The following SLAIN1 variants were observed in gnomAD, a reference collection of about 807,000 sequenced individuals.
SLAIN1 encodes the protein SLAIN motif-containing protein 1.
In SLAIN1, 17 loss-of-function variants were observed where a neutral mutation model predicts 55.4. That is an observed-to-expected ratio of 0.31 (90% confidence interval 0.21 to 0.46). SLAIN1 has a LOEUF of 0.46. Among genes scored for constraint, SLAIN1 ranks in the 20% least tolerant of loss-of-function variants. SLAIN1 has a pLI of 1.00. For synonymous variants in SLAIN1, 348 were observed against 337.4 expected (o/e 1.03, Z -0.35); for missense variants, 682 against 785.1 (o/e 0.87, Z 1.57).
chr13:77,698,506 T>A lies in SLAIN1; in HGVS notation c.593T>A (p.Val198Glu), dbSNP rs1413956530. Reference sequence around the variant, plus strand: ...GTGGAATTGCTGGATCTGGAGAGCGTAGCCGCCTGGCGGGACGAGGACGAC... The same window carrying A: ...GTGGAATTGCTGGATCTGGAGAGCGAAGCCGCCTGGCGGGACGAGGACGAC... ...DEVELLDLESVAAWRDEDDYT... is the reference protein window; with the variant it reads ...DEVELLDLESEAAWRDEDDYT... The change falls in exon 1 of 7, where the codon GTA (valine) becomes GAA (glutamate). Residue 198 changes from valine (V) to glutamate (E), a missense_variant. Physicochemically the swap from Val to Glu is moderately radical, Grantham distance 121. Around this residue, in one of 3 missense-constraint regions of SLAIN1, gnomAD observed 401 missense variants for 417.3 expected, o/e 0.96. Coordinates refer to ENST00000418532, the MANE Select transcript of SLAIN1 (RefSeq NM_001242868.2). The surrounding 1 kb of genome is among the most constrained non-coding windows in gnomAD (Gnocchi z 4.1). 2.1e-6 allele frequency: 3 copies of A among 1,453,288 alleles called. No individual in the cohort carries two copies. The highest frequency in any genetic ancestry group is 2.7e-6 in the Non-Finnish European group (3 of 1,110,040). 90.0% of individuals were successfully genotyped at this position (1,453,288 alleles called of 1,614,324 possible).
At chr13:77,717,482 G>T (rs2091219475) in intron 1 of SLAIN1, among the ~76,000 whole-genome samples, 1 of 151,856 alleles carries the variant, frequency 6.6e-6, no homozygotes, top group Non-Finnish European at 1.5e-5. Flanking sequence ...TTTATTTTTT[G>T]ATTACTTTTC....
intron 2 of SLAIN1, among the ~76,000 whole-genome samples, chr13:77,721,720 G>A (rs1416793022): frequency 6.6e-6 from 1 of 151,436 alleles, no homozygotes; most frequent in Non-Finnish European, 1.5e-5. Context: ...GAATGAGGAT[G>A]CATTCCAATA....
At chr13:77,712,497 A>T (rs2154409507) in intron 1 of SLAIN1, among the ~76,000 whole-genome samples, 1 of 152,304 alleles carries the variant, frequency 6.6e-6, no homozygotes, top group Admixed American at 6.5e-5. Context: ...TAGAAATACA[A>T]CTCACAAGAA....
At chr13:77,751,562 G>T (rs1050988215) in intron 4 of SLAIN1, among the ~76,000 whole-genome samples, 3 of 152,152 alleles carry the variant, frequency 2.0e-5, no homozygotes, top group South Asian at 4.1e-4. Flanking sequence ...TTGTTCATTT[G>T]TTCCTTCTCC....
chr13:77,757,127 G>A (rs1024675825), intron 5 of SLAIN1, among the ~76,000 whole-genome samples: 1 of 152,128 alleles, frequency 6.6e-6, no homozygotes. Context: ...TGAACAGGAA[G>A]TACAAAGAAT....
chr13:77,730,697 C>T (rs1350748388), intron 2 of SLAIN1, among the ~76,000 whole-genome samples: 1 of 151,988 alleles, frequency 6.6e-6, no homozygotes, highest in African/African-American at 2.4e-5. Context: ...GGTTGTATTT[C>T]AAGAAACAGT....
chr13:77,752,030 G>A (rs559898650), intron 4 of SLAIN1, among the ~76,000 whole-genome samples: 108 of 152,180 alleles, frequency 7.1e-4, no homozygotes, highest in Non-Finnish European at 1.2e-3. Context: ...AGATCTGTAT[G>A]TGACTCTCTG....
intron 1 of SLAIN1, among the ~76,000 whole-genome samples, chr13:77,705,516 A>G (rs1343066499): frequency 6.6e-6 from 1 of 152,000 alleles, no homozygotes. Flanking sequence ...ATAAGTCACT[A>G]GAATGTATGA....
In SLAIN1 at chr13:77,753,768, C is replaced by A. The variant is rs1290130704; in HGVS notation, c.1414+410C>A. On this transcript the variant is annotated intron_variant, in intron 5 of 6. Transcript: ENST00000418532. ...AGATCCTCCTCCTTCTAGCTGTCTA[C>A]CTGAATAAGCACACTTAATTCTGTT... is the stretch of plus-strand genomic sequence containing the variant. 2.0e-5 allele frequency among the ~76,000 whole-genome samples: 3 copies of A among 152,134 alleles called. No homozygotes were observed. In the East Asian group the frequency reaches 5.8e-4, roughly 29 times the overall value.
At position 77,763,499 on chromosome 13, in the gene SLAIN1, GAGAATTA is replaced by G. The variant is rs1382219357; in HGVS notation, c.*283_*289del. ...TGCTCTGTACCTGAATACTTTTTGA[GAGAATTA>G]AGATGTATCAATAATGCTTTGCCAT... is the stretch of plus-strand genomic sequence containing the variant. On this transcript the variant is annotated 3_prime_UTR_variant, in exon 7 of 7. Transcript: ENST00000418532. The G allele has an allele frequency of 6.2e-5, 23 of 373,668 alleles. No individual in the cohort carries two copies. In the South Asian group the frequency reaches 1.1e-3, roughly 18 times the overall value. The allele number at this position is 373,668 out of a possible 1,614,324, so 23.1% of individuals were successfully genotyped here.
intron 5 of SLAIN1, among the ~76,000 whole-genome samples, chr13:77,758,007 A>G (rs1481315827): frequency 6.6e-6 from 1 of 152,076 alleles, no homozygotes; most frequent in Non-Finnish European, 1.5e-5. Flanking sequence ...AGGAATCTTC[A>G]TACTGTTTTC....
chr13:77,731,260 C>G (rs1872847437), intron 2 of SLAIN1, among the ~76,000 whole-genome samples: 1 of 151,894 alleles, frequency 6.6e-6, no homozygotes, highest in Non-Finnish European at 1.5e-5. Flanking sequence ...GGGAGTTTAT[C>G]TATAGTATAA....
intron 2 of SLAIN1, among the ~76,000 whole-genome samples, chr13:77,740,378 T>A (rs565788761): frequency 2.6e-5 from 4 of 152,144 alleles, no homozygotes; most frequent in Non-Finnish European, 5.9e-5. Context: ...GGGAGGCAGT[T>A]TAGCTTAAGG....
At chr13:77,735,426 C>G (rs1415974339) in intron 2 of SLAIN1, among the ~76,000 whole-genome samples, 1 of 152,078 alleles carries the variant, frequency 6.6e-6, no homozygotes, top group Non-Finnish European at 1.5e-5. Flanking sequence ...CAGCCCTGCA[C>G]GTTTTTCTGA....
At chr13:77,712,427 T>C (rs1347515644) in intron 1 of SLAIN1, among the ~76,000 whole-genome samples, 3 of 149,766 alleles carry the variant, frequency 2.0e-5, no homozygotes. Context: ...ACACTAATAA[T>C]GAACAGCCAA....
intron 1 of SLAIN1, among the ~76,000 whole-genome samples, chr13:77,700,454 C>T (rs1346256268): frequency 6.6e-6 from 1 of 152,044 alleles, no homozygotes; most frequent in Non-Finnish European, 1.5e-5. Flanking sequence ...GATTAGAATT[C>T]CAGGTGGAAA....
intron 1 of SLAIN1, among the ~76,000 whole-genome samples, chr13:77,718,336 C>G (rs776609572): frequency 6.6e-6 from 1 of 152,042 alleles, no homozygotes; most frequent in Non-Finnish European, 1.5e-5. Context: ...GGAACACAGC[C>G]ACGTTTATTC....
At chr13:77,755,474 C>T (rs1197529294) in intron 5 of SLAIN1, among the ~76,000 whole-genome samples, 1 of 152,020 alleles carries the variant, frequency 6.6e-6, no homozygotes, top group Non-Finnish European at 1.5e-5. Context: ...ATGTATGTAG[C>T]CCAAAATAGA....
intron 6 of SLAIN1, among the ~76,000 whole-genome samples, chr13:77,761,823 T>C (rs1417561307): frequency 6.6e-6 from 1 of 152,108 alleles, no homozygotes; most frequent in South Asian, 2.1e-4. Context: ...CTGGATATCA[T>C]GGAGTATCTT....
Sources: gnomAD v4.1 joint callset for allele counts (sites outside exome capture counted in the v4.1 genomes callset) on GRCh38, gnomAD v4.1.1 for gene constraint, gnomAD v4.1.1 regional missense constraint, Gnocchi (gnomAD v3.1) non-coding constraint, MANE v1.5 for transcripts, NCBI Gene and HGNC (gene_info 2026-07-23, HGNC 2026-07-21) for gene names.